ITGB3BP: variants seen among roughly 807,000 people sequenced by gnomAD.
The protein encoded by ITGB3BP is integrin subunit beta 3 binding protein, also known as centromere protein R.
In ITGB3BP, 27 loss-of-function variants were observed where a neutral mutation model predicts 29.1. The observed-to-expected ratio is 0.93, with a 90% CI of 0.68 to 1.28. The LOEUF (loss-of-function observed/expected upper bound fraction) is 1.28. ITGB3BP is among the 50% of genes most tolerant of loss of function. ITGB3BP has a pLI of 0.00. For missense variants in ITGB3BP, 192 were observed against 200.2 expected (o/e 0.96, Z 0.25); for synonymous variants, 61 against 61.4 (o/e 0.99, Z 0.03).
chr1:63,490,105 CTTTTG>C lies in ITGB3BP; in HGVS notation c.157_161del (p.Gln53AlafsTer8). The C allele has an allele frequency of 6.2e-7, 1 of 1,611,088 alleles. No homozygotes were observed. The highest frequency in any genetic ancestry group is 8.5e-7 in the Non-Finnish European group (1 of 1,178,582). On this transcript the variant is annotated frameshift_variant, in exon 3 of 9. Coordinates refer to ENST00000271002, the MANE Select transcript of ITGB3BP (RefSeq NM_014288.5). LOFTEE classifies it high-confidence loss of function. ...AACCATTTGATAGTCCATTTCTGTG[CTTTTG>C]CTCTTCAGAACTTGTGGGAGAAGCA...
chr1:63,459,434 G>A (rs1223036009), intron 4 of ITGB3BP, among the ~76,000 whole-genome samples: 1 of 152,048 alleles, frequency 6.6e-6, no homozygotes, highest in African/African-American at 2.4e-5. Flanking sequence ...GAATTCCTTA[G>A]GTTTTCTTTA....
chr1:63,445,210 CA>C (rs1644775836), intron 8 of ITGB3BP, among the ~76,000 whole-genome samples: 1 of 152,070 alleles, frequency 6.6e-6, no homozygotes, highest in Non-Finnish European at 1.5e-5. Context: ...CACTTGAATA[CA>C]GGAGGTGGAG....
At chr1:63,449,738 TA>T (rs1438976258) in intron 7 of ITGB3BP, 2 of 154,592 alleles carry the variant, frequency 1.3e-5, no homozygotes, top group Non-Finnish European at 2.9e-5. Context: ...TGTTAAAGCA[TA>T]GGGGGAATTT....
intron 1 of ITGB3BP, among the ~76,000 whole-genome samples, chr1:63,512,981 A>C (rs558218694): frequency 6.6e-6 from 1 of 152,088 alleles, no homozygotes; most frequent in African/African-American, 2.4e-5. Flanking sequence ...CTATCCCTCA[A>C]TTTGGGCCTA....
Position 63,490,122 on chromosome 1 carries a change from T to C in ITGB3BP, c.145A>G (p.Ser49Gly), listed in dbSNP as rs1244256452. ...TTTCTGTGCTTTTGCTCTTCAGAAC[T>C]TGTGGGAGAAGCAAATAGACTCATT... Reference protein sequence around the residue: ...CQMSLFASPTSSEEQKHRNGL... With the variant: ...CQMSLFASPTGSEEQKHRNGL... The change falls in exon 3 of 9, where the codon AGT (serine) becomes GGT (glycine). Residue 49 changes from serine to glycine, a missense_variant. Coordinates refer to ENST00000271002, the MANE Select transcript of ITGB3BP (RefSeq NM_014288.5). 2 of 1,611,578 alleles carry C rather than the reference T, an allele frequency of 1.2e-6. No homozygotes were observed. The highest frequency in any genetic ancestry group is 2.2e-5 in the East Asian group (1 of 44,750).
At chr1:63,483,229 T>C (rs1645470845) in intron 3 of ITGB3BP, among the ~76,000 whole-genome samples, 1 of 152,194 alleles carries the variant, frequency 6.6e-6, no homozygotes, top group African/African-American at 2.4e-5. Context: ...TTAAACCTTG[T>C]CATATTTAAA....
At chr1:63,515,145 T>G (rs911576965) in intron 1 of ITGB3BP, among the ~76,000 whole-genome samples, 8 of 152,140 alleles carry the variant, frequency 5.3e-5, no homozygotes, top group African/African-American at 1.9e-4. Context: ...AAACTTTCCT[T>G]TTTACATTTA....
chr1:63,511,250 G>C (rs1415777187), intron 1 of ITGB3BP, among the ~76,000 whole-genome samples: 1 of 152,028 alleles, frequency 6.6e-6, no homozygotes, highest in African/African-American at 2.4e-5. Context: ...TATTAGGATG[G>C]CTACTATTAA....
Position 63,493,088 on chromosome 1 carries a change from A to ACGCGCGCGCG in ITGB3BP, c.49-2880_49-2871dup, listed in dbSNP as rs66981141. On this transcript the variant is annotated intron_variant, in intron 2 of 8. Coordinates refer to ENST00000271002, the MANE Select transcript of ITGB3BP (RefSeq NM_014288.5). ...GATCACACCACACACACACACACACACGCGCGCGCGCGCAAGAAAATAGAT... is the reference window on the plus strand; with the variant it reads ...GATCACACCACACACACACACACACACGCGCGCGCGCGCGCGCGCGCGCAAGAAAATAGAT... 3.3e-3 allele frequency among the ~76,000 whole-genome samples: 489 copies of ACGCGCGCGCG among 148,818 alleles called. 3 individuals carry two copies. Among genetic ancestry groups the ACGCGCGCGCG allele is most frequent in the Middle Eastern group, 0.01 (3 of 286 alleles).
chr1:63,500,890 C>G (rs1645911397), intron 2 of ITGB3BP, among the ~76,000 whole-genome samples: 1 of 152,074 alleles, frequency 6.6e-6, no homozygotes, highest in African/African-American at 2.4e-5. Flanking sequence ...AACTTACAAT[C>G]AAAACGTTTT....
chr1:63,525,230 C>T (rs1272946609), upstream of ITGB3BP, among the ~76,000 whole-genome samples: 1 of 152,132 alleles, frequency 6.6e-6, no homozygotes, highest in Non-Finnish European at 1.5e-5. Context: ...GATGTGTGCT[C>T]TTCCTTTGTT....
upstream of ITGB3BP, chr1:63,523,299 C>T: frequency 1.2e-6 from 1 of 839,132 alleles, no homozygotes; most frequent in Non-Finnish European, 2.0e-6. Flanking sequence ...ACGAAGGATC[C>T]GGGTGTGCGC....
At chr1:63,472,622 CG>C (rs957574054) in intron 4 of ITGB3BP, among the ~76,000 whole-genome samples, 3 of 150,898 alleles carry the variant, frequency 2.0e-5, no homozygotes, top group Non-Finnish European at 4.4e-5. Context: ...AGGCGCGCGC[CG>C]CCACGCCTGA....
intron 4 of ITGB3BP, among the ~76,000 whole-genome samples, chr1:63,476,847 G>A (rs2100616815): frequency 6.6e-6 from 1 of 152,236 alleles, no homozygotes; most frequent in South Asian, 2.1e-4. Flanking sequence ...CTTGCTACTT[G>A]CTTTCACTGT....
chr1:63,459,104 T>C (rs1306354429), intron 4 of ITGB3BP, among the ~76,000 whole-genome samples: 1 of 151,996 alleles, frequency 6.6e-6, no homozygotes, highest in Non-Finnish European at 1.5e-5. Flanking sequence ...CACAGTAGAA[T>C]TGACAGTCAA....
rs1384321383 is a variant in ITGB3BP, at chr1:63,490,198, G to A, written c.69C>T (p.Ile23=). 2.5e-6 allele frequency: 4 copies of A among 1,572,328 alleles called. No individual in the cohort carries two copies. Among genetic ancestry groups the A allele is most frequent in the Non-Finnish European group, 2.6e-6 (3 of 1,145,852 alleles). The change falls in exon 3 of 9, where the codon ATC becomes ATT. Residue 23 remains isoleucine, a synonymous_variant. Coordinates refer to ENST00000271002, the MANE Select transcript of ITGB3BP (RefSeq NM_014288.5). ...AAGTTATAACACTTTTCTTCCTTGT[G>A]ATTTTTGAAGGATCAAATGACTGGA... ...LEENSFDPSK[I]TRKKSVITYS...
rs187392336 is a variant in ITGB3BP at position 63,506,828 on chromosome 1, C to T, written c.48+1700G>A. ...AGGTAAAATGACCACAAAGTTACTA[C>T]TAGTTCCAATATAGCTTCACAACAA... On this transcript the variant is annotated intron_variant, in intron 2 of 8. Coordinates refer to ENST00000271002, the MANE Select transcript of ITGB3BP (RefSeq NM_014288.5). Among the ~76,000 whole-genome samples the T allele has an allele frequency of 3.5e-3, 533 of 152,304 alleles. 3 individuals carry two copies. Among genetic ancestry groups the T allele is most frequent in the Admixed American group, 9.4e-3 (143 of 15,288 alleles).
intron 7 of ITGB3BP, 125 bp from the exon 8 acceptor site, chr1:63,446,981 T>G: frequency 1.5e-6 from 1 of 668,802 alleles, no homozygotes; most frequent in East Asian, 2.7e-5. Context: ...TGTTTTATAC[T>G]AATAGCAGCT....
intron 8 of ITGB3BP, chr1:63,446,591 A>C: frequency 3.8e-6 from 2 of 524,064 alleles, no homozygotes; most frequent in Non-Finnish European, 6.9e-6. Flanking sequence ...TCAGCTCAAC[A>C]GTTCTTTCCA....
Sources: gnomAD v4.1 joint callset for allele counts (sites outside exome capture counted in the v4.1 genomes callset) on GRCh38, gnomAD v4.1.1 for gene constraint, MANE v1.5 for transcripts, NCBI Gene and HGNC (gene_info 2026-07-23, HGNC 2026-07-21) for gene names.